Variants in ENTPD7 observed in about 807,000 individuals in gnomAD.
ENTPD7 encodes the protein ectonucleoside triphosphate diphosphohydrolase 7.
A neutral mutation model predicts 77.9 loss-of-function variants in ENTPD7; 53 were observed. The observed-to-expected ratio is 0.68, with a 90% CI of 0.55 to 0.85. ENTPD7 has a LOEUF of 0.85. Among genes scored for constraint, ENTPD7 ranks in the 40% least tolerant of loss-of-function variants. The probability of loss-of-function intolerance (pLI) is 0.00; values close to 1 mark genes in which losing one functional copy is unlikely to be tolerated. For synonymous variants in ENTPD7, 248 were observed against 274.9 expected (o/e 0.90, Z 0.97); for missense variants, 636 against 743.7 (o/e 0.86, Z 1.68).
intron 5 of ENTPD7, among the ~76,000 whole-genome samples, chr10:99,682,599 A>G (rs1052742913): frequency 1.3e-5 from 2 of 151,988 alleles, no homozygotes; most frequent in African/African-American, 4.8e-5. Flanking sequence ...ACAACTTACA[A>G]CCCTGCTACC....
At chr10:99,684,148 C>T (rs546424932) in intron 5 of ENTPD7, among the ~76,000 whole-genome samples, 5 of 152,214 alleles carry the variant, frequency 3.3e-5, no homozygotes, top group East Asian at 1.9e-4. Context: ...CTCCACCTCC[C>T]GGGTTCAAGC....
chr10:99,671,995 T>C (rs1564628235), intron 3 of ENTPD7, among the ~76,000 whole-genome samples: 1 of 152,224 alleles, frequency 6.6e-6, no homozygotes, highest in Non-Finnish European at 1.5e-5. Flanking sequence ...ATTAGGTTCT[T>C]ATGTGCAATA....
chr10:99,661,551 C>T lies in ENTPD7; in HGVS notation c.114C>T (p.Ser38=). The T allele has an allele frequency of 1.2e-6, 2 of 1,613,910 alleles. No individual in the cohort carries two copies. Among genetic ancestry groups the T allele is most frequent in the African/African-American group, 1.3e-5 (1 of 74,996 alleles). The change falls in exon 3 of 13, where the codon TCC becomes TCT. Residue 38 remains serine, a synonymous_variant. Coordinates refer to ENST00000370489, the MANE Select transcript of ENTPD7 (RefSeq NM_020354.5). The part of the protein sequence containing the change: ...RVAFLGLFFI[S]CLLLLMLIID... ...CATTCCTGGGACTCTTCTTCATATCCTGTCTCCTTTTACTTATGTTAATCA... is the reference window on the plus strand; with the variant it reads ...CATTCCTGGGACTCTTCTTCATATCTTGTCTCCTTTTACTTATGTTAATCA...
In ENTPD7 at chr10:99,659,868, G is replaced by T; in HGVS notation, c.-89G>T. Reference sequence around the variant, plus strand: ...TGAAATCAAATCTTTCTAGGCTGCAGACGTAGGAGATGCCTGGGACAAGGA... The same window carrying T: ...TGAAATCAAATCTTTCTAGGCTGCATACGTAGGAGATGCCTGGGACAAGGA... On this transcript the variant is annotated 5_prime_UTR_variant, in exon 2 of 13. Coordinates refer to ENST00000370489, the MANE Select transcript of ENTPD7 (RefSeq NM_020354.5). The surrounding 1 kb of genome is among the most constrained non-coding windows in gnomAD (Gnocchi z 4.1). 1 of 1,583,878 alleles carries T rather than the reference G, an allele frequency of 6.3e-7. No individual in the cohort carries two copies.
chr10:99,703,682 A>G (rs903674039), intron 12 of ENTPD7, among the ~76,000 whole-genome samples: 3 of 152,034 alleles, frequency 2.0e-5, no homozygotes, highest in African/African-American at 7.2e-5. Flanking sequence ...CTTTATTTAG[A>G]TATATCCTAG....
intron 8 of ENTPD7, among the ~76,000 whole-genome samples, chr10:99,695,359 T>C (rs1809160118): frequency 1.3e-5 from 2 of 151,934 alleles, no homozygotes. Flanking sequence ...CCGTCTCCAC[T>C]AAAAATACAA....
chr10:99,708,166 C>A lies in ENTPD7; in HGVS notation c.*3483C>A, dbSNP rs1225526472. Reference sequence around the variant, plus strand: ...TGTCTTCCAAAGTATCCTGCCCCACCCCCTCCTCATCCTAAGAGATTCCTT... The same window carrying A: ...TGTCTTCCAAAGTATCCTGCCCCACACCCTCCTCATCCTAAGAGATTCCTT... On this transcript the variant is annotated 3_prime_UTR_variant, in exon 13 of 13. Transcript: ENST00000370489. 6.6e-6 allele frequency among the ~76,000 whole-genome samples: 1 copy of A among 152,130 alleles called. No homozygotes were observed. The highest frequency in any genetic ancestry group is 2.4e-5 in the African/African-American group (1 of 41,428).
chr10:99,679,770 T>C lies in ENTPD7; in HGVS notation c.443T>C (p.Leu148Pro), dbSNP rs765391236. The C allele has an allele frequency of 5.0e-6, 8 of 1,614,198 alleles. No homozygotes were observed. The East Asian group carries it at 1.8e-4, about 36-fold the overall frequency. Residue 148 changes from leucine to proline, a missense_variant, in exon 5 of 13, where the codon CTT (leucine) becomes CCT (proline). Physicochemically the swap from Leu to Pro is moderately conservative, Grantham distance 98. Around this residue, in one of 3 missense-constraint regions of ENTPD7, gnomAD observed 486 missense variants for 556.5 expected, o/e 0.87. Transcript: ENST00000370489. ...ADTPEHASDY[L>P]RPLLSFAAAH... is the part of the protein sequence containing the mutation. ...ACTCCAGAACATGCCAGTGATTACCTTCGTCCTCTGCTGAGCTTTGCTGCT... is the reference window on the plus strand; with the variant it reads ...ACTCCAGAACATGCCAGTGATTACCCTCGTCCTCTGCTGAGCTTTGCTGCT...
intron 7 of ENTPD7, among the ~76,000 whole-genome samples, chr10:99,689,459 C>T (rs2035854263): frequency 6.6e-6 from 1 of 152,214 alleles, no homozygotes. Flanking sequence ...ATTTGATTGA[C>T]TGCATCTTTG....
rs565878776 is a variant in ENTPD7, at chr10:99,687,410, C to T, written c.653-1284C>T. Among the ~76,000 whole-genome samples, 15 of 151,602 alleles carry T rather than the reference C, an allele frequency of 9.9e-5. No homozygotes were observed. The South Asian group carries it at 3.1e-3, about 32-fold the overall frequency. On this transcript the variant is annotated intron_variant, in intron 6 of 12. Transcript: ENST00000370489. Reference sequence around the variant, plus strand: ...CCTCCCGAGTAGCTGGGACTATAGGCGTGTGCCACCACGCCTGGCTAATTT... The same window carrying T: ...CCTCCCGAGTAGCTGGGACTATAGGTGTGTGCCACCACGCCTGGCTAATTT...
chr10:99,701,135 T>G, intron 11 of ENTPD7, 77 bp downstream of exon 11: 1 of 1,237,738 alleles, frequency 8.1e-7, no homozygotes. Context: ...TGAGCAATAA[T>G]GCAGATTAGA....
At chr10:99,664,450 C>CTTTTTT (rs1209558702) in intron 3 of ENTPD7, among the ~76,000 whole-genome samples, 1 of 131,308 alleles carries the variant, frequency 7.6e-6, no homozygotes. Flanking sequence ...TTTACATTTT[C>CTTTTTT]TTTTTTTTTT....
At chr10:99,693,738 T>C (rs2035920578) in intron 8 of ENTPD7, among the ~76,000 whole-genome samples, 1 of 152,038 alleles carries the variant, frequency 6.6e-6, no homozygotes. Context: ...GCCAACATGG[T>C]GAAACCCCGT....
chr10:99,696,295 G>A (rs771207556), intron 9 of ENTPD7, among the ~76,000 whole-genome samples, 173 bp downstream of exon 9: 3 of 152,136 alleles, frequency 2.0e-5, no homozygotes, highest in African/African-American at 4.8e-5. Context: ...TCCCACTCTG[G>A]GTGAGGGTGC....
rs6584310 is a variant in ENTPD7 at position 99,702,990 on chromosome 10, T to G, written c.1583+317T>G. 6.7e-3 allele frequency among the ~76,000 whole-genome samples: 1,017 copies of G among 152,318 alleles called. 11 individuals are homozygous for G. The highest frequency in any genetic ancestry group is 0.023 in the African/African-American group (942 of 41,564). The stretch of plus-strand genomic sequence containing the variant: ...CTCTTACTAATCACTTCCAAGATAC[T>G]GACAAGCTAAAATGTCATTCTTGGG... On this transcript the variant is annotated intron_variant, in intron 12 of 12. Coordinates refer to ENST00000370489, the MANE Select transcript of ENTPD7 (RefSeq NM_020354.5).
chr10:99,664,492 C>T (rs2133438458), intron 3 of ENTPD7, among the ~76,000 whole-genome samples: 1 of 150,560 alleles, frequency 6.6e-6, no homozygotes, highest in Non-Finnish European at 1.5e-5. Flanking sequence ...CTCTGTTGCC[C>T]AGGCTGGAGT....
chr10:99,674,499 T>C (rs570611057), intron 3 of ENTPD7, among the ~76,000 whole-genome samples: 43 of 152,208 alleles, frequency 2.8e-4, no homozygotes, highest in Non-Finnish European at 2.9e-4. Flanking sequence ...GTAACTACCA[T>C]TAAATTTTCT....
At chr10:99,662,662 G>A (rs1353506475) in intron 3 of ENTPD7, among the ~76,000 whole-genome samples, 1 of 43,362 alleles carries the variant, frequency 2.3e-5, no homozygotes, top group African/African-American at 5.8e-5. Flanking sequence ...CTGAAGGGAC[G>A]GAGAAACCAA....
In ENTPD7 at chr10:99,687,156, C is replaced by T. The variant is rs560335345; in HGVS notation, c.652+1261C>T. On this transcript the variant is annotated intron_variant, in intron 6 of 12. Coordinates refer to ENST00000370489, the MANE Select transcript of ENTPD7 (RefSeq NM_020354.5). Reference sequence around the variant, plus strand: ...GGTCTCAAACTCCTGACCTCGTGATCCGCCTGCCTCAGCCTCCCAAAGTGC... The same window carrying T: ...GGTCTCAAACTCCTGACCTCGTGATTCGCCTGCCTCAGCCTCCCAAAGTGC... 5.3e-5 allele frequency among the ~76,000 whole-genome samples: 8 copies of T among 151,346 alleles called. No individual in the cohort carries two copies. In the South Asian group the frequency reaches 1.7e-3, roughly 32 times the overall value.
Sources: gnomAD v4.1 joint callset for allele counts (sites outside exome capture counted in the v4.1 genomes callset) on GRCh38, gnomAD v4.1.1 for gene constraint, gnomAD v4.1.1 regional missense constraint, Gnocchi (gnomAD v3.1) non-coding constraint, MANE v1.5 for transcripts, NCBI Gene and HGNC (gene_info 2026-07-23, HGNC 2026-07-21) for gene names.